Variants in GRID2 observed in about 807,000 individuals in gnomAD.
The protein encoded by GRID2 is glutamate ionotropic receptor delta type subunit 2, also known as glutamate receptor ionotropic, delta-2.
Under a neutral mutation model 114.8 loss-of-function variants are expected in GRID2, and 33 were observed. The ratio of observed to expected loss-of-function variants is 0.29; its 90% CI spans 0.22 to 0.38. The LOEUF is 0.38. GRID2 is among the 10% of genes least tolerant of loss of function. GRID2 has a pLI of 1.00. For synonymous variants in GRID2, 505 were observed against 449.9 expected (o/e 1.12, Z -1.55); for missense variants, 1,184 against 1,257.7 (o/e 0.94, Z 0.89).
At chr4:93,499,710 A>G (rs1727916388) in intron 12 of GRID2, among the ~76,000 whole-genome samples, 1 of 151,984 alleles carries the variant, frequency 6.6e-6, no homozygotes, top group Non-Finnish European at 1.5e-5. Context: ...AGGCACTGCT[A>G]GAGTGCCTCT....
intron 14 of GRID2, among the ~76,000 whole-genome samples, chr4:93,760,207 G>A (rs1427822757): frequency 6.6e-6 from 1 of 152,148 alleles, no homozygotes; most frequent in Non-Finnish European, 1.5e-5. Context: ...AATATGCACT[G>A]TTTTGAAAAG....
chr4:93,665,386 T>A (rs1023408438), intron 14 of GRID2, among the ~76,000 whole-genome samples: 1 of 152,226 alleles, frequency 6.6e-6, no homozygotes, highest in African/African-American at 2.4e-5. Flanking sequence ...CTTAAACCTC[T>A]TGTTTACTGT....
intron 4 of GRID2, among the ~76,000 whole-genome samples, chr4:93,193,302 C>T (rs545603046): frequency 6.6e-5 from 10 of 152,160 alleles, no homozygotes; most frequent in African/African-American, 2.2e-4. Flanking sequence ...TTGGCTGTGT[C>T]CCCACCCAAA....
chr4:93,111,662 G>A (rs979955288), intron 4 of GRID2, among the ~76,000 whole-genome samples: 1 of 151,514 alleles, frequency 6.6e-6, no homozygotes, highest in African/African-American at 2.4e-5. Context: ...ATGTTACATA[G>A]TGATAGAACT....
rs141672038 is a variant in GRID2 at position 93,019,499 on chromosome 4, T to C, written c.245-65496T>C. 3.9e-5 allele frequency among the ~76,000 whole-genome samples: 6 copies of C among 152,254 alleles called. No homozygotes were observed. The East Asian group carries it at 1.2e-3, about 29-fold the overall frequency. Reference sequence around the variant, plus strand: ...TGGCATTAAGACCTGGGTGAAATGATCAAAAATGATCTACATTTTGGTTAT... The same window carrying C: ...TGGCATTAAGACCTGGGTGAAATGACCAAAAATGATCTACATTTTGGTTAT... On this transcript the variant is annotated intron_variant, in intron 2 of 15. Transcript: ENST00000282020.
chr4:93,725,823 T>TG, intron 14 of GRID2, among the ~76,000 whole-genome samples: 1 of 152,176 alleles, frequency 6.6e-6, no homozygotes, highest in Admixed American at 6.5e-5. Flanking sequence ...CACTTGTTGA[T>TG]GGGGTTGTTT....
intron 2 of GRID2, among the ~76,000 whole-genome samples, chr4:92,671,772 A>G (rs563289785): frequency 7.9e-4 from 120 of 152,222 alleles, no homozygotes; most frequent in Non-Finnish European, 1.4e-3. Context: ...AAGATAATAT[A>G]TTCTTTTTCC....
Position 93,538,642 on chromosome 4 carries a change from G to A in GRID2, c.2193+23231G>A, listed in dbSNP as rs186715441. Among the ~76,000 whole-genome samples, 19 of 151,782 alleles carry A rather than the reference G, an allele frequency of 1.3e-4. No individual in the cohort carries two copies. In the East Asian group the frequency reaches 3.5e-3, roughly 28 times the overall value. On this transcript the variant is annotated intron_variant, in intron 13 of 15. Transcript: ENST00000282020. ...ATATCTTGATCTATAGATGGGAGAG[G>A]CATTCCACTACCATGGTATTCTTTC...
intron 1 of GRID2, among the ~76,000 whole-genome samples, chr4:92,562,982 T>C (rs1727168670): frequency 6.6e-6 from 1 of 152,174 alleles, no homozygotes; most frequent in Admixed American, 6.6e-5. Flanking sequence ...ATTCTATTTA[T>C]AGTTCTAAAT....
chr4:92,733,698 T>A (rs185321806), intron 2 of GRID2, among the ~76,000 whole-genome samples: 21 of 152,196 alleles, frequency 1.4e-4, no homozygotes, highest in African/African-American at 4.8e-4. Context: ...ATAGCACTTA[T>A]CAATCAAGGG....
At chr4:92,389,613 C>A (rs1730146935) in intron 1 of GRID2, among the ~76,000 whole-genome samples, 1 of 152,062 alleles carries the variant, frequency 6.6e-6, no homozygotes, top group Admixed American at 6.6e-5. Context: ...GAATTTCCTT[C>A]CATCTAAGAG....
chr4:93,778,419 C>T (rs549412983), downstream of GRID2, among the ~76,000 whole-genome samples: 1 of 104,362 alleles, frequency 9.6e-6, no homozygotes, highest in African/African-American at 3.7e-5. Context: ...TTTTTTGAGA[C>T]AGAGTCTCGC....
At chr4:93,184,299 C>T (rs558132996) in intron 4 of GRID2, among the ~76,000 whole-genome samples, 13 of 152,076 alleles carry the variant, frequency 8.5e-5, no homozygotes, top group Admixed American at 4.6e-4. Context: ...ATTTTAACAA[C>T]GAAAGGGGAG....
At chr4:93,064,274 C>G (rs1485238380) in intron 2 of GRID2, among the ~76,000 whole-genome samples, 1 of 151,348 alleles carries the variant, frequency 6.6e-6, no homozygotes, top group Admixed American at 6.6e-5. Flanking sequence ...ATCAAGAATG[C>G]CTTTTTTTGT....
intron 2 of GRID2, among the ~76,000 whole-genome samples, chr4:92,705,457 A>T (rs568775415): frequency 6.6e-6 from 1 of 152,298 alleles, no homozygotes; most frequent in Admixed American, 6.5e-5. Context: ...AGGCAGAAAA[A>T]GTTACCTTTT....
intron 14 of GRID2, among the ~76,000 whole-genome samples, chr4:93,702,860 T>C (rs1315957471): frequency 6.6e-6 from 1 of 152,078 alleles, no homozygotes; most frequent in Non-Finnish European, 1.5e-5. Flanking sequence ...AGAAAATAAA[T>C]ATAAATACAT....
intron 2 of GRID2, among the ~76,000 whole-genome samples, chr4:92,972,982 C>T (rs1469787619): frequency 1.3e-5 from 2 of 152,048 alleles, no homozygotes; most frequent in Non-Finnish European, 2.9e-5. Flanking sequence ...GTAAGTGTAA[C>T]ACAATTTTTT....
chr4:93,350,138 A>G (rs886991700), intron 8 of GRID2, among the ~76,000 whole-genome samples: 2 of 152,100 alleles, frequency 1.3e-5, no homozygotes, highest in Admixed American at 6.6e-5. Flanking sequence ...CTGAGCTGTC[A>G]GCAAAAATTT....
At chr4:93,455,363 G>GA (rs1723079837) in intron 10 of GRID2, among the ~76,000 whole-genome samples, 1 of 151,866 alleles carries the variant, frequency 6.6e-6, no homozygotes, top group African/African-American at 2.4e-5. Flanking sequence ...AATGACCCAC[G>GA]AAAAAAGACA....
Sources: gnomAD v4.1 joint callset for allele counts (sites outside exome capture counted in the v4.1 genomes callset) on GRCh38, gnomAD v4.1.1 for gene constraint, MANE v1.5 for transcripts, NCBI Gene and HGNC (gene_info 2026-07-23, HGNC 2026-07-21) for gene names.